The following OCA2 variants were observed in gnomAD, a reference collection of about 807,000 sequenced individuals.
OCA2 encodes the protein OCA2 melanosomal transmembrane protein, also known as P protein.
A neutral mutation model predicts 100.2 loss-of-function variants in OCA2; 77 were observed. The observed-to-expected ratio is 0.77, with a 90% CI of 0.64 to 0.93. OCA2 has a LOEUF of 0.93. OCA2 is among the 40% of genes least tolerant of loss of function. The pLI, the probability that OCA2 is intolerant of heterozygous loss-of-function variation, is 0.00. For missense variants in OCA2, 1,062 were observed against 1,089.1 expected, an observed-to-expected ratio of 0.98 and a Z score of 0.35; for synonymous variants, 432 against 439.2, an observed-to-expected ratio of 0.98 and a Z score of 0.21.
chr15:28,076,349 CAT>C (rs1228799226), intron 2 of OCA2, among the ~76,000 whole-genome samples: 2 of 152,188 alleles, frequency 1.3e-5, no homozygotes, highest in African/African-American at 4.8e-5. Context: ...TTATTTTTAA[CAT>C]ATTCTCTCTA....
intron 18 of OCA2, 102 bp downstream of exon 18, chr15:27,951,682 G>A (rs1432701839): frequency 4.7e-6 from 4 of 858,614 alleles, no homozygotes; most frequent in Non-Finnish European, 7.8e-6. Flanking sequence ...CCTTCCACCA[G>A]CCCGGCTGCC....
chr15:27,927,715 A>G lies in OCA2; in HGVS notation c.1952-1461T>C, dbSNP rs183323847. ...AGCCTTTCTGATTTTAGACATTCCA[A>G]TGGTTGTGTAGTGGGATCTTACTGT... On this transcript the variant is annotated intron_variant, in intron 18 of 23. Transcript: ENST00000354638. 5.3e-5 allele frequency among the ~76,000 whole-genome samples: 8 copies of G among 150,934 alleles called. No homozygotes were observed. The East Asian group carries it at 9.7e-4, about 18-fold the overall frequency.
intron 1 of OCA2, among the ~76,000 whole-genome samples, chr15:28,086,095 G>A (rs1318178391): frequency 1.3e-5 from 2 of 152,160 alleles, no homozygotes; most frequent in African/African-American, 4.8e-5. Flanking sequence ...GTGCTAGGGA[G>A]TTCCACCTCC....
In OCA2 at chr15:27,990,631, A is replaced by G. The variant is rs1008522653; in HGVS notation, c.1061T>C (p.Leu354Pro). The G allele has an allele frequency of 6.8e-6, 11 of 1,613,918 alleles. No homozygotes were observed. Among genetic ancestry groups the G allele is most frequent in the Non-Finnish European group, 9.3e-6 (11 of 1,180,018 alleles). ...LIIFEIVHRT[L>P]AAMLGSLAAL... ...TGCAAGGGAACCCAGCATGGCCGCCAGAGTTCTGTGCACGATCTGGAAAGA... is the reference window on the plus strand; with the variant it reads ...TGCAAGGGAACCCAGCATGGCCGCCGGAGTTCTGTGCACGATCTGGAAAGA... Residue 354 changes from leucine (L) to proline (P), a missense_variant, in exon 10 of 24, where the codon CTG becomes CCG. Physicochemically the swap from Leu to Pro is moderately conservative, Grantham distance 98 (BLOSUM62 -3). Coordinates refer to ENST00000354638, the MANE Select transcript of OCA2 (RefSeq NM_000275.3).
intron 7 of OCA2, 145 bp from the exon 8 acceptor site, chr15:28,016,331 A>G (rs2042393013): frequency 1.4e-6 from 1 of 725,076 alleles, no homozygotes; most frequent in African/African-American, 1.7e-5. Context: ...GAGCTCTCAC[A>G]TCTCTGATGT....
At chr15:27,812,977 T>C (rs2034139019) in intron 23 of OCA2, among the ~76,000 whole-genome samples, 1 of 151,818 alleles carries the variant, frequency 6.6e-6, no homozygotes, top group Non-Finnish European at 1.5e-5. Context: ...CCCCAGAGAC[T>C]CCCTTCTGCC....
intron 2 of OCA2, among the ~76,000 whole-genome samples, chr15:28,040,473 C>T (rs2043171292): frequency 6.6e-6 from 1 of 151,998 alleles, no homozygotes; most frequent in South Asian, 2.1e-4. Flanking sequence ...ACAAACTAAA[C>T]TAAAAAGCTA....
intron 14 of OCA2, among the ~76,000 whole-genome samples, chr15:27,968,112 T>A (rs966575956): frequency 6.6e-6 from 1 of 152,218 alleles, no homozygotes; most frequent in Non-Finnish European, 1.5e-5. Flanking sequence ...TTCACAGACG[T>A]CCTGGAGTAA....
At chr15:27,892,682 G>C (rs1241943595) in intron 19 of OCA2, among the ~76,000 whole-genome samples, 1 of 151,996 alleles carries the variant, frequency 6.6e-6, no homozygotes, top group East Asian at 1.9e-4. Context: ...TGCATCAAAA[G>C]AAAGCTTAAG....
At position 27,985,051 on chromosome 15, in the gene OCA2, G is replaced by T; in HGVS notation, c.1364+13C>A. The T allele has an allele frequency of 6.2e-7, 1 of 1,613,770 alleles. No individual in the cohort carries two copies. The highest frequency in any genetic ancestry group is 8.5e-7 in the Non-Finnish European group (1 of 1,179,838). ...CCTGGCCGCAACTCCCACGGCAGAG[G>T]TGCTTTGCGTACCTTATGGTCACAG... On this transcript the variant is annotated intron_variant, in intron 13 of 23. Coordinates refer to ENST00000354638, the MANE Select transcript of OCA2 (RefSeq NM_000275.3).
intron 23 of OCA2, among the ~76,000 whole-genome samples, chr15:27,840,701 T>C (rs2035310044): frequency 6.6e-6 from 1 of 152,168 alleles, no homozygotes; most frequent in Non-Finnish European, 1.5e-5. Context: ...AGTGCAGTGA[T>C]ATCCATATGC....
the OCA2 span, among the ~76,000 whole-genome samples, chr15:27,734,250 A>T: frequency 9.2e-4 from 138 of 150,154 alleles, 2 homozygotes; most frequent in East Asian, 0.025. Context: ...CATCAATTTG[A>T]ACAACTATCC....
intron 19 of OCA2, among the ~76,000 whole-genome samples, chr15:27,918,089 ATTTTTTT>A (rs34943192): frequency 9.7e-6 from 1 of 103,176 alleles, no homozygotes; most frequent in Non-Finnish European, 2.0e-5. Context: ...CTCCCTCTTG[ATTTTTTT>A]TTTTTTTTTT....
chr15:28,046,093 C>T (rs1342780013), intron 2 of OCA2, among the ~76,000 whole-genome samples: 2 of 152,148 alleles, frequency 1.3e-5, no homozygotes, highest in East Asian at 1.9e-4. Flanking sequence ...CAGAGGAGGA[C>T]ATGATGGATG....
intron 23 of OCA2, among the ~76,000 whole-genome samples, chr15:27,759,448 A>C (rs765669268): frequency 7.2e-5 from 11 of 152,198 alleles, no homozygotes; most frequent in Non-Finnish European, 1.3e-4. Flanking sequence ...GTTGAAACAA[A>C]ATAAATAGCA....
At chr15:27,809,044 C>A (rs2033973502) in intron 23 of OCA2, among the ~76,000 whole-genome samples, 1 of 152,182 alleles carries the variant, frequency 6.6e-6, no homozygotes, top group Non-Finnish European at 1.5e-5. Context: ...CTGCAGCCCC[C>A]AAAGGCTCCC....
At chr15:27,826,982 G>A (rs1000953469) in intron 23 of OCA2, among the ~76,000 whole-genome samples, 4 of 152,228 alleles carry the variant, frequency 2.6e-5, no homozygotes, top group Non-Finnish European at 4.4e-5. Context: ...CCTCCGCATG[G>A]TCTCCCGGCA....
At chr15:27,925,464 A>G (rs1317469144) in intron 19 of OCA2, among the ~76,000 whole-genome samples, 1 of 152,206 alleles carries the variant, frequency 6.6e-6, no homozygotes, top group Non-Finnish European at 1.5e-5. Flanking sequence ...CCTTCAAAAC[A>G]TACTTTGAAA....
intron 2 of OCA2, among the ~76,000 whole-genome samples, chr15:28,051,259 G>A (rs1478024680): frequency 6.6e-6 from 1 of 152,202 alleles, no homozygotes; most frequent in African/African-American, 2.4e-5. Context: ...CTACAGTTGG[G>A]AAATCTACAG....
Sources: allele counts gnomAD v4.1 joint callset (sites outside exome capture counted in the v4.1 genomes callset), GRCh38; gene constraint gnomAD v4.1.1; transcripts MANE v1.5; gene names NCBI Gene and HGNC (gene_info 2026-07-23, HGNC 2026-07-21).